Variants in VPS54 observed in about 807,000 individuals in gnomAD.
VPS54 encodes vacuolar protein sorting-associated protein 54.
A neutral mutation model predicts 121.5 loss-of-function variants in VPS54; 45 were observed. The ratio of observed to expected loss-of-function variants is 0.37; its 90% CI spans 0.29 to 0.47. VPS54 has a LOEUF of 0.47. Ranked by LOEUF, VPS54 falls within the 20% of genes least tolerant of loss-of-function variation. VPS54 has a pLI of 0.99. For synonymous variants in VPS54, 371 were observed against 385.8 expected (o/e 0.96, Z 0.45); for missense variants, 1,090 against 1,131.4 (o/e 0.96, Z 0.52).
intron 20 of VPS54, 137 bp from the exon 21 acceptor site, chr2:63,899,718 T>C (rs1672596633): frequency 6.0e-6 from 4 of 670,262 alleles, no homozygotes; most frequent in Non-Finnish European, 1.0e-5. Flanking sequence ...ACTTTTCAAC[T>C]GTGATCTGCG....
intron 1 of VPS54, among the ~76,000 whole-genome samples, chr2:64,016,399 G>A (rs1678692629): frequency 6.6e-6 from 1 of 152,086 alleles, no homozygotes; most frequent in Non-Finnish European, 1.5e-5. Context: ...AAGAAGCTAT[G>A]AGCCAAGAAG....
At chr2:63,993,443 G>A (rs991140952) in intron 1 of VPS54, among the ~76,000 whole-genome samples, 9 of 152,012 alleles carry the variant, frequency 5.9e-5, no homozygotes, top group Non-Finnish European at 1.0e-4. Flanking sequence ...TCTGGTTTTC[G>A]CCTCATTGCA....
chr2:64,005,258 C>T (rs991310953), intron 1 of VPS54, among the ~76,000 whole-genome samples: 7 of 150,944 alleles, frequency 4.6e-5, no homozygotes, highest in South Asian at 2.1e-4. Context: ...TGCCCGCCAC[C>T]GCGCCCGGCT....
chr2:63,932,358 G>A (rs1241727679), intron 12 of VPS54, among the ~76,000 whole-genome samples: 4 of 152,114 alleles, frequency 2.6e-5, no homozygotes, highest in Non-Finnish European at 5.9e-5. Flanking sequence ...TCCTTTGCAG[G>A]GACATGGATG....
At chr2:63,950,353 G>A (rs1317558939) in intron 7 of VPS54, among the ~76,000 whole-genome samples, 1 of 152,048 alleles carries the variant, frequency 6.6e-6, no homozygotes, top group Non-Finnish European at 1.5e-5. Flanking sequence ...GAGCTGTAAA[G>A]GTACTTATGA....
chr2:63,987,426 C>G (rs1376109318), intron 1 of VPS54, among the ~76,000 whole-genome samples: 4 of 152,070 alleles, frequency 2.6e-5, no homozygotes, highest in Admixed American at 1.3e-4. Context: ...TGGTTATATG[C>G]CAATACGTTG....
Position 64,014,686 on chromosome 2 carries a change from C to T in VPS54, c.-21+4252G>A, listed in dbSNP as rs182009522. ...CCTTCCTAATTTGATTCTTCTGAAGCGAATAACTCTTCTACAGTATATTAT... is the reference window on the plus strand; with the variant it reads ...CCTTCCTAATTTGATTCTTCTGAAGTGAATAACTCTTCTACAGTATATTAT... On this transcript the variant is annotated intron_variant, in intron 1 of 22. Transcript: ENST00000272322. Among the ~76,000 whole-genome samples, 420 of 105,496 alleles carry T rather than the reference C, an allele frequency of 4.0e-3. 1 individual carries two copies. Among genetic ancestry groups the T allele is most frequent in the Non-Finnish European group, 7.3e-3 (288 of 39,682 alleles). 69.2% of individuals were successfully genotyped at this position (105,496 alleles called of 152,430 possible).
intron 12 of VPS54, among the ~76,000 whole-genome samples, chr2:63,926,447 T>G (rs1673906514): frequency 6.6e-6 from 1 of 152,224 alleles, no homozygotes; most frequent in African/African-American, 2.4e-5. Context: ...GACTTTATGC[T>G]GTAACTGTGA....
chr2:64,017,041 AAAAG>A (rs1286712037), intron 1 of VPS54, among the ~76,000 whole-genome samples: 1 of 149,036 alleles, frequency 6.7e-6, no homozygotes, highest in Non-Finnish European at 1.5e-5. Context: ...AAAAAAAAAA[AAAAG>A]AGTGTGATGG....
intron 16 of VPS54, among the ~76,000 whole-genome samples, chr2:63,915,847 T>A (rs745594163): frequency 5.3e-5 from 8 of 152,176 alleles, no homozygotes; most frequent in Non-Finnish European, 1.0e-4. Context: ...GAGTGCTTAT[T>A]ATGGTGCCAA....
chr2:63,936,032 G>C (rs1674436983), intron 11 of VPS54, among the ~76,000 whole-genome samples: 1 of 152,196 alleles, frequency 6.6e-6, no homozygotes. Context: ...ATTGGAAACA[G>C]AGAAACTAAG....
intron 12 of VPS54, among the ~76,000 whole-genome samples, chr2:63,927,090 A>G (rs1034485972): frequency 6.6e-6 from 1 of 152,206 alleles, no homozygotes; most frequent in Non-Finnish European, 1.5e-5. Flanking sequence ...ACAGCTGAAC[A>G]AAAGGCAGCA....
intron 7 of VPS54, among the ~76,000 whole-genome samples, chr2:63,957,005 A>G (rs1213521774): frequency 1.3e-5 from 2 of 152,164 alleles, no homozygotes. Context: ...CTTATGTACT[A>G]CATCTGCTTA....
intron 1 of VPS54, among the ~76,000 whole-genome samples, chr2:63,994,426 C>A (rs1028464666): frequency 2.7e-5 from 4 of 150,364 alleles, no homozygotes; most frequent in Admixed American, 6.6e-5. Context: ...CGACCACTCA[C>A]CTGGATGGAC....
At chr2:63,979,987 G>A (rs1040061236) in intron 3 of VPS54, among the ~76,000 whole-genome samples, 1 of 152,080 alleles carries the variant, frequency 6.6e-6, no homozygotes. Flanking sequence ...GTCAGGCCAG[G>A]TTGGTTAATG....
In VPS54 at chr2:63,892,617, TAAA is replaced by T. The variant is rs1473141287; in HGVS notation, c.*810_*812del. 1 of 152,570 alleles carries T rather than the reference TAAA, an allele frequency of 6.6e-6. No homozygotes were observed. The highest frequency in any genetic ancestry group is 1.5e-5 in the Non-Finnish European group (1 of 68,022). The allele number at this position is 152,570 out of a possible 1,614,324, so 9.5% of individuals were successfully genotyped here. A position where few individuals can be genotyped will look rare whatever the true frequency, so the allele number is the denominator to read the frequency against. On this transcript the variant is annotated 3_prime_UTR_variant, in exon 23 of 23. Transcript: ENST00000272322. ...TACATATTCTTACCTCTGCTACAAA[TAAA>T]AACACCCCAAACCCTTCATCATACT... is the stretch of plus-strand genomic sequence containing the variant.
chr2:63,969,931 C>T (rs1327915636), intron 4 of VPS54, among the ~76,000 whole-genome samples: 1 of 151,958 alleles, frequency 6.6e-6, no homozygotes, highest in African/African-American at 2.4e-5. Context: ...TTTTATACTA[C>T]ATTAATTTTC....
chr2:63,990,526 C>G (rs975101556), intron 1 of VPS54, among the ~76,000 whole-genome samples: 1 of 152,084 alleles, frequency 6.6e-6, no homozygotes, highest in African/African-American at 2.4e-5. Context: ...CCTCTCTGTA[C>G]CCTTCTTCAC....
chr2:63,938,120 G>C (rs1392980218), intron 11 of VPS54, among the ~76,000 whole-genome samples: 1 of 150,146 alleles, frequency 6.7e-6, no homozygotes, highest in Non-Finnish European at 1.5e-5. Context: ...CCCAGGACTT[G>C]TGTGCATGTG....
Sources: gnomAD v4.1 joint callset for allele counts (sites outside exome capture counted in the v4.1 genomes callset) on GRCh38, gnomAD v4.1.1 for gene constraint, MANE v1.5 for transcripts, NCBI Gene and HGNC (gene_info 2026-07-23, HGNC 2026-07-21) for gene names.